SVIL: variants seen among roughly 807,000 people sequenced by gnomAD.
SVIL encodes the protein supervillin.
A neutral mutation model predicts 240.4 loss-of-function variants in SVIL; 101 were observed. The observed-to-expected ratio is 0.42, with a 90% CI of 0.36 to 0.50. The LOEUF (loss-of-function observed/expected upper bound fraction) is 0.50, where lower values mean the gene tolerates loss of function less well. SVIL is among the 20% of genes least tolerant of loss of function. The pLI is 0.01. For synonymous variants in SVIL, 999 were observed against 1,100.0 expected, an observed-to-expected ratio of 0.91 and a Z score of 1.82; for missense variants, 2,512 against 2,818.7, an observed-to-expected ratio of 0.89 and a Z score of 2.46.
intron 2 of SVIL, among the ~76,000 whole-genome samples, chr10:29,666,950 G>A (rs1959349839): frequency 6.6e-6 from 1 of 151,962 alleles, no homozygotes; most frequent in Non-Finnish European, 1.5e-5. Context: ...GTCTTTATTA[G>A]CAGCATGAGA....
In SVIL at chr10:29,647,805, A is replaced by C. The variant is rs1958709525; in HGVS notation, c.-201+10164T>G. On this transcript the variant is annotated intron_variant, in intron 3 of 35. Coordinates refer to the SVIL transcript ENST00000375400. ...TTAACAAAAGGTCACGAAGAAAGAG[A>C]TTCCTTCAGTGTTTTTATAACATTG... 2.6e-5 allele frequency among the ~76,000 whole-genome samples: 4 copies of C among 152,098 alleles called. No homozygotes were observed. In the South Asian group the frequency reaches 8.3e-4, roughly 32 times the overall value.
At chr10:29,541,238 G>A (rs1952130157) in intron 6 of SVIL, among the ~76,000 whole-genome samples, 1 of 152,252 alleles carries the variant, frequency 6.6e-6, no homozygotes, top group African/African-American at 2.4e-5. Context: ...TGGGAGATTT[G>A]CTTTATACAA....
Position 29,644,122 on chromosome 10 carries a change from C to T in SVIL, c.-201+13847G>A. The T allele has an allele frequency of 4.5e-6, 2 of 443,408 alleles. 1 individual carries two copies. The highest frequency in any genetic ancestry group is 9.1e-6 in the Non-Finnish European group (2 of 219,324). 27.5% of individuals were successfully genotyped at this position (443,408 alleles called of 1,614,324 possible). A position where few individuals can be genotyped will look rare whatever the true frequency, so the allele number is the denominator to read the frequency against. On this transcript the variant is annotated intron_variant, in intron 3 of 35. Coordinates refer to the SVIL transcript ENST00000375400. ...GTCAAGCAGCAGCTCACTGCACGAA[C>T]AGAACCATGGAGGCTGCTGCTCAAA...
chr10:29,681,656 T>A (rs1960664129), intron 2 of SVIL, among the ~76,000 whole-genome samples: 1 of 152,076 alleles, frequency 6.6e-6, no homozygotes, highest in Non-Finnish European at 1.5e-5. Flanking sequence ...TTCCTAATGA[T>A]CACGTCAGAA....
intron 1 of SVIL, among the ~76,000 whole-genome samples, chr10:29,603,479 G>A (rs1442654029): frequency 6.6e-6 from 1 of 152,188 alleles, no homozygotes; most frequent in South Asian, 2.1e-4. Flanking sequence ...GTGAGCAGAT[G>A]CTTGAAATTT....
At chr10:29,695,543 T>G (rs1774782570) in intron 1 of SVIL, among the ~76,000 whole-genome samples, 1 of 151,970 alleles carries the variant, frequency 6.6e-6, no homozygotes, top group South Asian at 2.1e-4. Context: ...GTCAGGAGTT[T>G]CAGACCAGCC....
intron 21 of SVIL, among the ~76,000 whole-genome samples, chr10:29,492,286 T>C (rs1323442546): frequency 6.6e-6 from 1 of 152,002 alleles, no homozygotes; most frequent in Non-Finnish European, 1.5e-5. Context: ...CTGGAACTTC[T>C]GCTTGGACTA....
intron 2 of SVIL, among the ~76,000 whole-genome samples, chr10:29,664,342 G>A (rs1959192516): frequency 6.6e-6 from 1 of 152,052 alleles, no homozygotes; most frequent in Non-Finnish European, 1.5e-5. Flanking sequence ...TAAATAAGTA[G>A]CAAACATTGA....
chr10:29,582,438 A>C (rs1158556533), intron 1 of SVIL, among the ~76,000 whole-genome samples: 1 of 152,076 alleles, frequency 6.6e-6, no homozygotes, highest in Non-Finnish European at 1.5e-5. Flanking sequence ...GTGACGAATA[A>C]ACATAAAACT....
At chr10:29,536,427 G>A (rs1259763742) in intron 6 of SVIL, among the ~76,000 whole-genome samples, 1 of 151,810 alleles carries the variant, frequency 6.6e-6, no homozygotes, top group Admixed American at 6.6e-5. Flanking sequence ...TAAACAAACA[G>A]GAATATTATA....
chr10:29,600,707 C>G (rs1956778924), intron 1 of SVIL, among the ~76,000 whole-genome samples: 2 of 152,192 alleles, frequency 1.3e-5, no homozygotes, highest in South Asian at 2.1e-4. Context: ...AATATTGGGG[C>G]ACAAAAGGAC....
At chr10:29,552,562 CAAA>C (rs3031442) in intron 5 of SVIL, among the ~76,000 whole-genome samples, 1 of 82,404 alleles carries the variant, frequency 1.2e-5, no homozygotes. Flanking sequence ...GACTCTGTCT[CAAA>C]AAAAAAAAAA....
chr10:29,551,031 C>G lies in SVIL; in HGVS notation c.393G>C (p.Glu131Asp), dbSNP rs1283807721. 6.2e-7 allele frequency: 1 copy of G among 1,614,042 alleles called. No individual in the cohort carries two copies. The highest frequency in any genetic ancestry group is 1.7e-5 in the Admixed American group (1 of 60,000). ...GLTLDPEADS[E>D]YLSRYTKSRK... ...TGGACTTGGTATAGCGGGATAAATA[C>G]TCGGAGTCGGCCTCGGGATCCAGAG... Residue 131 changes from glutamate to aspartate, a missense_variant, in exon 6 of 38, where the codon GAG becomes GAC. Around this residue, in one of 3 missense-constraint regions of SVIL, gnomAD observed 1,443 missense variants for 1,486.6 expected, o/e 0.97. Coordinates refer to ENST00000355867, the MANE Select transcript of SVIL (RefSeq NM_021738.3).
intron 1 of SVIL, among the ~76,000 whole-genome samples, chr10:29,628,842 G>A (rs370607532): frequency 3.9e-5 from 6 of 152,310 alleles, no homozygotes; most frequent in African/African-American, 7.2e-5. Context: ...AGCTGAGCAA[G>A]CAAAGAGACA....
intron 1 of SVIL, among the ~76,000 whole-genome samples, chr10:29,690,322 G>A (rs1961404761): frequency 6.6e-6 from 1 of 152,034 alleles, no homozygotes; most frequent in South Asian, 2.1e-4. Flanking sequence ...TTTTTTTCAT[G>A]ATAAAGTCCC....
intron 1 of SVIL, among the ~76,000 whole-genome samples, chr10:29,596,883 C>T (rs938567485): frequency 2.0e-5 from 3 of 152,222 alleles, no homozygotes; most frequent in Non-Finnish European, 4.4e-5. Context: ...AAGGCAGCTT[C>T]GTGTGATCCC....
chr10:29,554,838 C>T lies in SVIL; in HGVS notation c.105G>A (p.Leu35=), dbSNP rs748712713. ...TCATGTATCGAGGGGTGTCTTCCTCCAGCAGGCGGTGAGTCACCAATCCTG... is the reference window on the plus strand; with the variant it reads ...TCATGTATCGAGGGGTGTCTTCCTCTAGCAGGCGGTGAGTCACCAATCCTG... ...SCTGLVTHRL[L]EEDTPRYMRA... is the part of the protein sequence containing the mutation. The change falls in exon 5 of 38, where the codon CTG becomes CTA. Residue 35 remains leucine, a synonymous_variant. Transcript: ENST00000355867. 1.9e-6 allele frequency: 3 copies of T among 1,613,558 alleles called. No homozygotes were observed. Among genetic ancestry groups the T allele is most frequent in the Admixed American group, 3.3e-5 (2 of 59,936 alleles).
chr10:29,629,464 G>A lies in SVIL; in HGVS notation c.-201+4956C>T, dbSNP rs188112149. 5.3e-5 allele frequency among the ~76,000 whole-genome samples: 8 copies of A among 152,210 alleles called. No homozygotes were observed. In the East Asian group the frequency reaches 7.8e-4, roughly 15 times the overall value. On this transcript the variant is annotated intron_variant, in intron 1 of 37. Transcript: ENST00000355867. ...CCAGTGCAGACCTACTGAATCAGAC[G>A]CTGCAGTAACAAGACTGCAGGTGAT...
rs1437684353 is a variant in SVIL, at chr10:29,664,514, A to ATT, written c.-300-6447_-300-6446insAA. Among the ~76,000 whole-genome samples, 6 of 152,312 alleles carry ATT rather than the reference A, an allele frequency of 3.9e-5. No homozygotes were observed. The East Asian group carries it at 1.2e-3, about 29-fold the overall frequency. ...CTGATCTTGATTATAAATAACAATTACAGCTAATTAATTCTCAGCCATCCA... is the reference window on the plus strand; with the variant it reads ...CTGATCTTGATTATAAATAACAATTATTCAGCTAATTAATTCTCAGCCATCCA... On this transcript the variant is annotated intron_variant, in intron 2 of 35. Transcript: ENST00000375400.
Sources: gnomAD v4.1 joint callset for allele counts (sites outside exome capture counted in the v4.1 genomes callset) on GRCh38, gnomAD v4.1.1 for gene constraint, gnomAD v4.1.1 regional missense constraint, MANE v1.5 for transcripts, NCBI Gene and HGNC (gene_info 2026-07-23, HGNC 2026-07-21) for gene names.